Variants in PKNOX2 observed in about 807,000 individuals in gnomAD.
PKNOX2 encodes homeobox protein PKNOX2.
A neutral mutation model predicts 53.1 loss-of-function variants in PKNOX2; 14 were observed. That is an observed-to-expected ratio of 0.26 (90% CI 0.17 to 0.41). PKNOX2 has a LOEUF of 0.41. Among genes scored for constraint, PKNOX2 ranks in the 10% least tolerant of loss-of-function variants. The pLI, the probability that PKNOX2 is intolerant of heterozygous loss-of-function variation, is 1.00. For synonymous variants in PKNOX2, 257 were observed against 242.8 expected (o/e 1.06, Z -0.54); for missense variants, 496 against 602.8 (o/e 0.82, Z 1.85).
At chr11:125,279,407 G>C (rs1471872457) in intron 2 of PKNOX2, among the ~76,000 whole-genome samples, 1 of 152,192 alleles carries the variant, frequency 6.6e-6, no homozygotes, top group Non-Finnish European at 1.5e-5. Flanking sequence ...GCTGATAAAG[G>C]AGACCCGAGA....
intron 2 of PKNOX2, among the ~76,000 whole-genome samples, chr11:125,244,790 A>G (rs796932257): frequency 1.1e-4 from 17 of 152,296 alleles, no homozygotes; most frequent in African/African-American, 3.9e-4. Flanking sequence ...TTAGGACTGA[A>G]TTAGGCTAGG....
At chr11:125,311,751 C>T (rs903198266) in intron 2 of PKNOX2, among the ~76,000 whole-genome samples, 7 of 152,114 alleles carry the variant, frequency 4.6e-5, no homozygotes, top group Admixed American at 6.5e-5. Flanking sequence ...TTCTACCCAG[C>T]GTCCTATCAA....
At chr11:125,242,006 G>A (rs931562526) in intron 2 of PKNOX2, among the ~76,000 whole-genome samples, 1 of 152,096 alleles carries the variant, frequency 6.6e-6, no homozygotes, top group African/African-American at 2.4e-5. Context: ...AGGTGGAGGG[G>A]GATGGCGGCG....
At chr11:125,249,641 A>G (rs930532666) in intron 2 of PKNOX2, among the ~76,000 whole-genome samples, 3 of 152,232 alleles carry the variant, frequency 2.0e-5, no homozygotes, top group African/African-American at 7.2e-5. Flanking sequence ...ATTTCGTATC[A>G]CGGATTCGAG....
At chr11:125,264,550 C>T (rs952424406) in intron 2 of PKNOX2, among the ~76,000 whole-genome samples, 14 of 152,030 alleles carry the variant, frequency 9.2e-5, no homozygotes, top group African/African-American at 3.4e-4. Context: ...CTGCTAAGAC[C>T]TGGGAGGCGT....
chr11:125,335,054 C>G (rs930981489), intron 3 of PKNOX2, among the ~76,000 whole-genome samples: 1 of 152,190 alleles, frequency 6.6e-6, no homozygotes, highest in African/African-American at 2.4e-5. Context: ...ATGCCAGTTC[C>G]TGTGCAAGCC....
chr11:125,317,361 A>G (rs1949260989), intron 2 of PKNOX2, among the ~76,000 whole-genome samples: 1 of 152,246 alleles, frequency 6.6e-6, no homozygotes, highest in Admixed American at 6.5e-5. Context: ...TCCTTTCCAG[A>G]AAGTTTTTAA....
At chr11:125,376,289 C>A (rs910727918) in intron 5 of PKNOX2, among the ~76,000 whole-genome samples, 1 of 152,254 alleles carries the variant, frequency 6.6e-6, no homozygotes, top group Non-Finnish European at 1.5e-5. Context: ...GGCGAACACA[C>A]CGCCCACTGG....
rs1954743775 is a variant in PKNOX2 at position 125,165,001 on chromosome 11, C to T, written c.-201+225C>T. ...CAGGGAGGAGGGAGGCAGGGAGCAGCGAGGGACGGCGGGAGCGTGCAGAGA... is the reference window on the plus strand; with the variant it reads ...CAGGGAGGAGGGAGGCAGGGAGCAGTGAGGGACGGCGGGAGCGTGCAGAGA... On this transcript the variant is annotated intron_variant, in intron 1 of 12. Coordinates refer to ENST00000298282, the MANE Select transcript of PKNOX2 (RefSeq NM_001382323.2). This position sits in a 1 kb window ranked among gnomAD's most constrained non-coding sequence, Gnocchi z 4.5. 6.6e-6 allele frequency among the ~76,000 whole-genome samples: 1 copy of T among 151,504 alleles called. No homozygotes were observed.
chr11:125,274,676 G>A (rs1438406188), intron 2 of PKNOX2, among the ~76,000 whole-genome samples: 1 of 152,258 alleles, frequency 6.6e-6, no homozygotes, highest in Non-Finnish European at 1.5e-5. Flanking sequence ...GCCCAGGCCA[G>A]GACGCTGGGC....
chr11:125,176,819 C>G (rs948886538), intron 1 of PKNOX2, among the ~76,000 whole-genome samples: 1 of 152,234 alleles, frequency 6.6e-6, no homozygotes, highest in Non-Finnish European at 1.5e-5. Context: ...GGATTGTGCT[C>G]TCATCCGAGC....
At chr11:125,226,897 C>G (rs1941744206) in intron 1 of PKNOX2, among the ~76,000 whole-genome samples, 1 of 151,924 alleles carries the variant, frequency 6.6e-6, no homozygotes, top group Admixed American at 6.6e-5. Flanking sequence ...TCCTCCCTGG[C>G]AGCCTCTCCT....
chr11:125,393,344 A>G (rs1022495602), intron 6 of PKNOX2, among the ~76,000 whole-genome samples: 3 of 152,202 alleles, frequency 2.0e-5, no homozygotes, highest in African/African-American at 7.2e-5. Context: ...TACAGAAGGC[A>G]CTTTACATTA....
intron 7 of PKNOX2, among the ~76,000 whole-genome samples, chr11:125,403,873 CA>C (rs1954906640): frequency 6.6e-6 from 1 of 152,192 alleles, no homozygotes; most frequent in African/African-American, 2.4e-5. Flanking sequence ...ATGCTAGGCC[CA>C]GCTGCCAGAT....
chr11:125,381,759 G>A (rs1330299229), intron 5 of PKNOX2, among the ~76,000 whole-genome samples: 1 of 152,130 alleles, frequency 6.6e-6, no homozygotes, highest in East Asian at 1.9e-4. Flanking sequence ...CCTGGCTTCA[G>A]CCACACTCAG....
chr11:125,201,776 T>C (rs685664), intron 1 of PKNOX2, among the ~76,000 whole-genome samples: 38,500 of 152,148 alleles, frequency 0.25, 5,271 homozygotes, highest in South Asian at 0.37. Flanking sequence ...CAAGGTTTTC[T>C]TCCAGAGCCT....
intron 2 of PKNOX2, among the ~76,000 whole-genome samples, chr11:125,273,776 C>G (rs959852866): frequency 6.6e-6 from 1 of 152,180 alleles, no homozygotes; most frequent in African/African-American, 2.4e-5. Context: ...CCTTTTAGCT[C>G]TAACATTCTA....
chr11:125,258,402 TA>T (rs1164798053), intron 2 of PKNOX2, among the ~76,000 whole-genome samples: 1 of 152,212 alleles, frequency 6.6e-6, no homozygotes, highest in Admixed American at 6.5e-5. Context: ...ATTTCATTTT[TA>T]TTAAAATGAA....
At chr11:125,265,224 T>C (rs570772111) in intron 2 of PKNOX2, among the ~76,000 whole-genome samples, 1 of 151,820 alleles carries the variant, frequency 6.6e-6, no homozygotes, top group Admixed American at 6.6e-5. Context: ...GAAGTGGAGC[T>C]TGCAGTGGGC....
Sources: allele counts gnomAD v4.1 joint callset (sites outside exome capture counted in the v4.1 genomes callset), GRCh38; gene constraint gnomAD v4.1.1; non-coding constraint Gnocchi (gnomAD v3.1); transcripts MANE v1.5; gene names NCBI Gene and HGNC (gene_info 2026-07-23, HGNC 2026-07-21).